SGF29: variants seen among roughly 807,000 people sequenced by gnomAD.
The protein encoded by SGF29 is SAGA-associated factor 29.
In SGF29, 15 loss-of-function variants were observed where a neutral mutation model predicts 38.1. That is an observed-to-expected ratio of 0.39 (90% CI 0.26 to 0.61). SGF29 has a LOEUF of 0.61. Among genes scored for constraint, SGF29 ranks in the 20% least tolerant of loss-of-function variants. The pLI is 0.49. For synonymous variants in SGF29, 151 were observed against 160.8 expected, an observed-to-expected ratio of 0.94 and a Z score of 0.46; for missense variants, 184 against 394.6, an observed-to-expected ratio of 0.47 and a Z score of 4.52.
intron 1 of SGF29, among the ~76,000 whole-genome samples, chr16:28,575,451 C>A (rs1006318590): frequency 2.0e-5 from 3 of 152,134 alleles, no homozygotes; most frequent in Non-Finnish European, 4.4e-5. Flanking sequence ...GAGGCCAAGG[C>A]GGGTGGATCA....
chr16:28,577,459 T>C (rs2046900935), intron 1 of SGF29, among the ~76,000 whole-genome samples: 1 of 152,180 alleles, frequency 6.6e-6, no homozygotes, highest in South Asian at 2.1e-4. Context: ...ATATTTCACG[T>C]AAATGGAAAC....
intron 4 of SGF29, among the ~76,000 whole-genome samples, chr16:28,587,823 G>A (rs2151653805): frequency 6.6e-6 from 1 of 152,118 alleles, no homozygotes; most frequent in East Asian, 1.9e-4. Context: ...TTTTTGAAAT[G>A]GAGTTTCGCT....
intron 1 of SGF29, among the ~76,000 whole-genome samples, chr16:28,562,367 T>C (rs913878564): frequency 6.6e-6 from 1 of 152,142 alleles, no homozygotes; most frequent in African/African-American, 2.4e-5. Flanking sequence ...AACTTTACAG[T>C]TGTTCTCTCC....
chr16:28,580,584 C>G (rs1252339291), intron 1 of SGF29, among the ~76,000 whole-genome samples: 1 of 152,208 alleles, frequency 6.6e-6, no homozygotes, highest in Non-Finnish European at 1.5e-5. Flanking sequence ...TCCACTATGA[C>G]TTCATCTTAG....
intron 1 of SGF29, among the ~76,000 whole-genome samples, chr16:28,574,424 T>C (rs1408419095): frequency 1.3e-5 from 2 of 152,252 alleles, no homozygotes; most frequent in African/African-American, 4.8e-5. Context: ...TGATGTGCCC[T>C]GGGAGGCCAT....
At chr16:28,584,763 T>C (rs1596606866) in intron 2 of SGF29, 150 bp from the exon 3 acceptor site, 1 of 533,960 alleles carries the variant, frequency 1.9e-6, no homozygotes, top group Non-Finnish European at 3.2e-6. Context: ...CACTCCAGCC[T>C]GGGCGACAGA....
chr16:28,571,662 TACC>T (rs1486947980), intron 1 of SGF29, among the ~76,000 whole-genome samples: 1 of 151,512 alleles, frequency 6.6e-6, no homozygotes, highest in Non-Finnish European at 1.5e-5. Flanking sequence ...TGGGAGTCAG[TACC>T]ATGTGGTTCA....
intron 1 of SGF29, among the ~76,000 whole-genome samples, chr16:28,555,348 C>T (rs1269928064): frequency 2.0e-5 from 3 of 151,652 alleles, no homozygotes; most frequent in South Asian, 2.1e-4. Context: ...TGGTGGTGCA[C>T]GCCTGTAATC....
chr16:28,565,767 G>C (rs969257625), intron 1 of SGF29, among the ~76,000 whole-genome samples: 1 of 151,780 alleles, frequency 6.6e-6, no homozygotes, highest in South Asian at 2.1e-4. Context: ...GATTACAGAC[G>C]TGAGCCACCA....
chr16:28,554,248 GT>G (rs1294790569), intron 1 of SGF29, 151 bp downstream of exon 1: 2 of 150,466 alleles, frequency 1.3e-5, no homozygotes, highest in African/African-American at 4.9e-5. Flanking sequence ...GGCGGGGCTC[GT>G]GGGGGTGGGG....
chr16:28,558,224 G>C (rs1419914639), intron 1 of SGF29, among the ~76,000 whole-genome samples: 1 of 150,830 alleles, frequency 6.6e-6, no homozygotes, highest in African/African-American at 2.4e-5. Flanking sequence ...TCCTGCCTCA[G>C]CCTCCCAAGT....
At chr16:28,582,516 C>A (rs1017205075) in intron 2 of SGF29, among the ~76,000 whole-genome samples, 1 of 152,156 alleles carries the variant, frequency 6.6e-6, no homozygotes, top group Non-Finnish European at 1.5e-5. Flanking sequence ...CACTCTAATG[C>A]AAGATGTTAA....
At chr16:28,580,196 A>G (rs756984637) in intron 1 of SGF29, among the ~76,000 whole-genome samples, 1 of 152,058 alleles carries the variant, frequency 6.6e-6, no homozygotes, top group Non-Finnish European at 1.5e-5. Flanking sequence ...ACACTCCTTG[A>G]CTCCTTGACT....
chr16:28,585,465 T>G (rs1204868825), intron 3 of SGF29, 183 bp from the exon 4 acceptor site: 2 of 628,694 alleles, frequency 3.2e-6, no homozygotes, highest in East Asian at 5.5e-5. Context: ...TTGTACCATA[T>G]GGAAATGCGG....
intron 1 of SGF29, among the ~76,000 whole-genome samples, chr16:28,564,557 A>G (rs1235670285): frequency 7.4e-6 from 1 of 135,220 alleles, no homozygotes. Context: ...ATACGTATAT[A>G]TATATATACG....
At chr16:28,563,010 G>A (rs1014969408) in intron 1 of SGF29, among the ~76,000 whole-genome samples, 1 of 151,846 alleles carries the variant, frequency 6.6e-6, no homozygotes. Context: ...AAAAGGGTGT[G>A]TGTGCTCTGA....
chr16:28,571,832 T>C (rs754228218), intron 1 of SGF29, among the ~76,000 whole-genome samples: 3 of 152,084 alleles, frequency 2.0e-5, no homozygotes, highest in African/African-American at 7.2e-5. Context: ...ATTAGAAAAG[T>C]GCCTGCTAAG....
chr16:28,588,726 A>G (rs2046969701), intron 4 of SGF29: 2 of 366,816 alleles, frequency 5.5e-6, no homozygotes, highest in Admixed American at 7.7e-5. Flanking sequence ...GCTCGCCACC[A>G]CACCTGGCTA....
chr16:28,583,818 G>A (rs1277382673), intron 2 of SGF29, among the ~76,000 whole-genome samples: 3 of 152,150 alleles, frequency 2.0e-5, no homozygotes, highest in African/African-American at 7.2e-5. Context: ...TGGGAAGTAT[G>A]AGTTCTCCAA....
Sources: gnomAD v4.1 joint callset for allele counts (sites outside exome capture counted in the v4.1 genomes callset) on GRCh38, gnomAD v4.1.1 for gene constraint, MANE v1.5 for transcripts, NCBI Gene and HGNC (gene_info 2026-07-23, HGNC 2026-07-21) for gene names.